Variants in KCNN2 observed in about 807,000 individuals in gnomAD.
KCNN2 encodes potassium calcium-activated channel subfamily N member 2, also known as small conductance calcium-activated potassium channel protein 2.
In KCNN2, 24 loss-of-function variants were observed where a neutral mutation model predicts 55.5. That is an observed-to-expected ratio of 0.43 (90% CI 0.31 to 0.61). The LOEUF is 0.61. Ranked by LOEUF, KCNN2 falls within the 20% of genes least tolerant of loss-of-function variation. The probability of loss-of-function intolerance (pLI) is 0.08; values close to 1 mark genes in which losing one functional copy is unlikely to be tolerated. For missense variants in KCNN2, 754 were observed against 853.6 expected, an observed-to-expected ratio of 0.88 and a Z score of 1.45; for synonymous variants, 431 against 336.1, an observed-to-expected ratio of 1.28 and a Z score of -3.09.
In KCNN2 at chr5:114,151,809, A is replaced by G. The variant is rs114620059; in HGVS notation, c.-270-69671A>G. The stretch of plus-strand genomic sequence containing the variant: ...GTTGGTGGAACTGTCTAGAAAAAAA[A>G]AATCTCTCCATGGTACTATAGGGAA... On this transcript the variant is annotated intron_variant, in intron 1 of 10. Coordinates refer to the KCNN2 transcript ENST00000512097. 2.5e-3 allele frequency among the ~76,000 whole-genome samples: 377 copies of G among 152,280 alleles called. 1 individual carries two copies. The highest frequency in any genetic ancestry group is 9.0e-3 in the African/African-American group (373 of 41,566).
At chr5:114,172,770 T>C (rs1753064635) in intron 1 of KCNN2, among the ~76,000 whole-genome samples, 1 of 151,736 alleles carries the variant, frequency 6.6e-6, no homozygotes. Flanking sequence ...CTTTTGCCTG[T>C]TTTTTAATCA....
At chr5:114,202,492 G>A (rs1210509049) in intron 1 of KCNN2, among the ~76,000 whole-genome samples, 1 of 63,150 alleles carries the variant, frequency 1.6e-5, no homozygotes, top group Admixed American at 2.0e-4. Context: ...AGCACTTCAT[G>A]CCTAATATAT....
intron 2 of KCNN2, among the ~76,000 whole-genome samples, chr5:114,310,126 C>G (rs1205777145): frequency 6.6e-6 from 1 of 152,168 alleles, no homozygotes; most frequent in Non-Finnish European, 1.5e-5. Context: ...AATTCATATT[C>G]TCTTCACCTT....
chr5:114,318,257 G>A (rs887972660), intron 2 of KCNN2, among the ~76,000 whole-genome samples: 1 of 152,168 alleles, frequency 6.6e-6, no homozygotes, highest in African/African-American at 2.4e-5. Context: ...GGTTCTCTAA[G>A]TGCCCTACCT....
chr5:114,307,818 A>G (rs1472958426), intron 2 of KCNN2, among the ~76,000 whole-genome samples: 1 of 152,152 alleles, frequency 6.6e-6, no homozygotes, highest in Non-Finnish European at 1.5e-5. Flanking sequence ...ATTGAGGCCA[A>G]GCTTCAATGA....
chr5:114,159,729 T>C (rs1752723955), intron 1 of KCNN2, among the ~76,000 whole-genome samples: 1 of 152,204 alleles, frequency 6.6e-6, no homozygotes, highest in Non-Finnish European at 1.5e-5. Context: ...GGTTTAGTCT[T>C]GGGAGGGTGT....
intron 2 of KCNN2, among the ~76,000 whole-genome samples, chr5:114,326,411 G>T (rs899846585): frequency 6.6e-6 from 1 of 152,184 alleles, no homozygotes; most frequent in African/African-American, 2.4e-5. Flanking sequence ...AGTAGTAAGT[G>T]ATGGAGCTTC....
intron 3 of KCNN2, among the ~76,000 whole-genome samples, chr5:114,451,648 GCACTTTGGGAGGC>G (rs1465590270): frequency 6.6e-6 from 1 of 152,114 alleles, no homozygotes; most frequent in Non-Finnish European, 1.5e-5. Context: ...TGTAATCCCA[GCACTTTGGGAGGC>G]CAAGGCGGGC....
At chr5:114,151,344 C>T (rs1459328770) in intron 1 of KCNN2, among the ~76,000 whole-genome samples, 2 of 151,900 alleles carry the variant, frequency 1.3e-5, no homozygotes, top group African/African-American at 2.4e-5. Flanking sequence ...GCTCAGGTAC[C>T]CCCAGCCCCT....
chr5:114,412,855 CT>C (rs1759178639), intron 3 of KCNN2, among the ~76,000 whole-genome samples: 1 of 152,144 alleles, frequency 6.6e-6, no homozygotes, highest in South Asian at 2.1e-4. Context: ...ACATATCCAC[CT>C]TGATTTATTA....
upstream of KCNN2, among the ~76,000 whole-genome samples, chr5:114,358,309 G>GT (rs1380989773): frequency 6.6e-6 from 1 of 152,006 alleles, no homozygotes; most frequent in African/African-American, 2.4e-5. Context: ...AGGAGATGAA[G>GT]TTTTTTTCCC....
At chr5:114,429,622 A>G (rs559418397) in intron 3 of KCNN2, among the ~76,000 whole-genome samples, 12 of 152,106 alleles carry the variant, frequency 7.9e-5, no homozygotes, top group African/African-American at 2.6e-4. Flanking sequence ...AGCACAATCA[A>G]TGTTTTCTTC....
chr5:114,354,765 A>T (rs575390435), intron 2 of KCNN2, among the ~76,000 whole-genome samples: 1 of 152,172 alleles, frequency 6.6e-6, no homozygotes, highest in Non-Finnish European at 1.5e-5. Flanking sequence ...TGTTGTATTT[A>T]TTAAATAGTA....
chr5:114,429,950 T>G (rs1374918825), intron 3 of KCNN2, among the ~76,000 whole-genome samples: 1 of 151,820 alleles, frequency 6.6e-6, no homozygotes, highest in Non-Finnish European at 1.5e-5. Flanking sequence ...TATGAGTGTA[T>G]TTTCTACCTC....
At chr5:114,313,985 T>G (rs1756452627) in intron 2 of KCNN2, among the ~76,000 whole-genome samples, 1 of 152,094 alleles carries the variant, frequency 6.6e-6, no homozygotes, top group African/African-American at 2.4e-5. Flanking sequence ...CTTAATCAAC[T>G]TCGATGAACG....
intron 2 of KCNN2, among the ~76,000 whole-genome samples, chr5:114,388,024 A>T (rs974238942): frequency 1.3e-5 from 2 of 152,210 alleles, no homozygotes; most frequent in African/African-American, 4.8e-5. Context: ...TTATGTGTTC[A>T]CTAAATAGAA....
At chr5:114,175,392 A>G (rs1753114630) in intron 1 of KCNN2, among the ~76,000 whole-genome samples, 1 of 152,194 alleles carries the variant, frequency 6.6e-6, no homozygotes, top group South Asian at 2.1e-4. Context: ...GCCCTTTAAA[A>G]TAATGTACTC....
rs747241244 is a variant in KCNN2, at chr5:114,200,979, T to G, written c.-270-20501T>G. Among the ~76,000 whole-genome samples, 10 of 152,074 alleles carry G rather than the reference T, an allele frequency of 6.6e-5. No individual in the cohort carries two copies. In the East Asian group the frequency reaches 7.7e-4, roughly 12 times the overall value. ...GCCTCCCATGTTAGTGGGTACTAGA[T>G]AGCTAATTCCTGACCCTCCAGGTGA... On this transcript the variant is annotated intron_variant, in intron 1 of 10. Coordinates refer to the KCNN2 transcript ENST00000512097.
intron 1 of KCNN2, among the ~76,000 whole-genome samples, chr5:114,201,070 C>G (rs1753665161): frequency 6.6e-6 from 1 of 151,852 alleles, no homozygotes; most frequent in South Asian, 2.1e-4. Context: ...GGCTCCTGGA[C>G]AGCTGATGTG....
Sources: gnomAD v4.1 joint callset for allele counts (sites outside exome capture counted in the v4.1 genomes callset) on GRCh38, gnomAD v4.1.1 for gene constraint, MANE v1.5 for transcripts, NCBI Gene and HGNC (gene_info 2026-07-23, HGNC 2026-07-21) for gene names.